EXOC6B: variants seen among roughly 807,000 people sequenced by gnomAD.
The protein encoded by EXOC6B is SEC15 homolog B.
A neutral mutation model predicts 113.5 loss-of-function variants in EXOC6B; 54 were observed. The observed-to-expected ratio is 0.48, with a 90% CI of 0.38 to 0.60. The LOEUF is 0.60. Ranked by LOEUF, EXOC6B falls within the 20% of genes least tolerant of loss-of-function variation. The probability of loss-of-function intolerance (pLI) is 0.00; values close to 1 mark genes in which losing one functional copy is unlikely to be tolerated. For synonymous variants in EXOC6B, 357 were observed against 339.0 expected, an observed-to-expected ratio of 1.05 and a Z score of -0.58; for missense variants, 797 against 977.5, an observed-to-expected ratio of 0.82 and a Z score of 2.46.
intron 6 of EXOC6B, among the ~76,000 whole-genome samples, chr2:72,579,988 T>A (rs908554274): frequency 6.6e-6 from 1 of 151,712 alleles, no homozygotes; most frequent in Non-Finnish European, 1.5e-5. Flanking sequence ...TAAAAAAAAA[T>A]TAATCAAACC....
chr2:72,754,050 T>G (rs976962299), intron 1 of EXOC6B, among the ~76,000 whole-genome samples: 10 of 151,912 alleles, frequency 6.6e-5, no homozygotes, highest in Non-Finnish European at 1.5e-5. Flanking sequence ...GGCACCACCA[T>G]GCCTAGCTCA....
intron 11 of EXOC6B, among the ~76,000 whole-genome samples, chr2:72,502,540 T>C (rs1700381170): frequency 6.6e-6 from 1 of 152,050 alleles, no homozygotes; most frequent in South Asian, 2.1e-4. Flanking sequence ...AAAGTGAGAC[T>C]ATATATCAAA....
At chr2:72,322,149 A>G (rs1687875724) in intron 20 of EXOC6B, among the ~76,000 whole-genome samples, 1 of 152,220 alleles carries the variant, frequency 6.6e-6, no homozygotes, top group Admixed American at 6.5e-5. Context: ...TACTCATAAT[A>G]GCCCAAACTG....
chr2:72,412,124 A>C (rs1206450945), intron 18 of EXOC6B, among the ~76,000 whole-genome samples: 3 of 152,192 alleles, frequency 2.0e-5, no homozygotes, highest in Non-Finnish European at 4.4e-5. Context: ...AGAATTATGA[A>C]GAATGTAAGT....
Position 72,713,671 on chromosome 2 carries a change from T to C in EXOC6B, c.669+4432A>G, listed in dbSNP as rs538776414. 1.4e-4 allele frequency among the ~76,000 whole-genome samples: 21 copies of C among 151,574 alleles called. 1 individual carries two copies. In the East Asian group the frequency reaches 2.9e-3, roughly 21 times the overall value. On this transcript the variant is annotated intron_variant, in intron 6 of 21. Transcript: ENST00000272427. ...AAATTCTTTAAAGCCAATACTGTGA[T>C]TGTCAGACTAAAAATAATAACAAAG...
In EXOC6B at chr2:72,765,098, A is replaced by AT. The variant is rs397754796; in HGVS notation, c.114-23630_114-23629insA. Among the ~76,000 whole-genome samples the AT allele has an allele frequency of 5.6e-4, 85 of 151,040 alleles. 1 individual carries two copies. The Middle Eastern group carries it at 0.01, about 18-fold the overall frequency. ...TGAGACCCCATCACTACAAAAAAAA[A>AT]GGGACTTGATAAGGTCCCTTCCATT... On this transcript the variant is annotated intron_variant, in intron 1 of 21. Coordinates refer to ENST00000272427, the MANE Select transcript of EXOC6B (RefSeq NM_015189.3).
chr2:72,223,358 G>C (rs1195669746), intron 20 of EXOC6B, among the ~76,000 whole-genome samples: 1 of 152,132 alleles, frequency 6.6e-6, no homozygotes, highest in Admixed American at 6.5e-5. Flanking sequence ...ATAAAAATCT[G>C]AGTTATCCCT....
At position 72,176,590 on chromosome 2, in the gene EXOC6B, A is replaced by G. The variant is rs1677747796; in HGVS notation, c.*2745T>C. On this transcript the variant is annotated 3_prime_UTR_variant, in exon 22 of 22. Coordinates refer to ENST00000272427, the MANE Select transcript of EXOC6B (RefSeq NM_015189.3). ...AACAGGATCTCACTTCCTGGTTCCC[A>G]TTTTCAGGTCCTGTTCTTCCCTACC... 2 of 152,154 alleles carry G rather than the reference A, an allele frequency of 1.3e-5. No homozygotes were observed. Among genetic ancestry groups the G allele is most frequent in the Non-Finnish European group, 2.9e-5 (2 of 68,040 alleles). The allele number at this position is 152,154 out of a possible 1,614,324, so 9.4% of individuals were successfully genotyped here. A position where few individuals can be genotyped will look rare whatever the true frequency, so the allele number is the denominator to read the frequency against.
chr2:72,676,166 C>A (rs115791564), intron 6 of EXOC6B, among the ~76,000 whole-genome samples: 3,366 of 151,224 alleles, frequency 0.022, 125 homozygotes, highest in African/African-American at 0.076. Flanking sequence ...AGGTTTTCAA[C>A]TTTTGAGAAG....
chr2:72,684,583 T>C (rs145657723), intron 6 of EXOC6B, among the ~76,000 whole-genome samples: 54 of 152,170 alleles, frequency 3.5e-4, no homozygotes, highest in African/African-American at 1.3e-3. Context: ...TATCCATCAA[T>C]AGGACAATGA....
chr2:72,809,352 G>A (rs78978093), intron 1 of EXOC6B, among the ~76,000 whole-genome samples: 1,581 of 151,824 alleles, frequency 0.01, 15 homozygotes, highest in African/African-American at 0.027. Context: ...CAAATATAAC[G>A]ATACAGGCAG....
intron 20 of EXOC6B, among the ~76,000 whole-genome samples, chr2:72,327,970 C>T (rs1688224722): frequency 6.6e-6 from 1 of 152,092 alleles, no homozygotes; most frequent in Non-Finnish European, 1.5e-5. Context: ...GTGCCCTATC[C>T]TTGCATATGC....
intron 6 of EXOC6B, among the ~76,000 whole-genome samples, chr2:72,579,730 T>C (rs1705082284): frequency 6.6e-6 from 1 of 152,064 alleles, no homozygotes; most frequent in Non-Finnish European, 1.5e-5. Context: ...ATAATAAGAA[T>C]CAAAAGCTAA....
intron 1 of EXOC6B, among the ~76,000 whole-genome samples, chr2:72,800,141 C>A (rs1022380944): frequency 1.3e-5 from 2 of 151,578 alleles, no homozygotes; most frequent in African/African-American, 4.8e-5. Context: ...ATGAAATAAT[C>A]GATTTTAAAA....
chr2:72,374,571 T>C (rs926117037), intron 19 of EXOC6B, among the ~76,000 whole-genome samples: 2 of 151,766 alleles, frequency 1.3e-5, no homozygotes, highest in Admixed American at 6.6e-5. Flanking sequence ...AGAGGGAAGG[T>C]GGGGATGGTT....
chr2:72,699,022 CCT>C (rs1337069461), intron 6 of EXOC6B, among the ~76,000 whole-genome samples: 10 of 152,106 alleles, frequency 6.6e-5, no homozygotes, highest in African/African-American at 2.2e-4. Context: ...GTCTAAATCC[CCT>C]GACATTTTAT....
At chr2:72,780,643 G>T (rs1375585858) in intron 1 of EXOC6B, among the ~76,000 whole-genome samples, 1 of 152,178 alleles carries the variant, frequency 6.6e-6, no homozygotes, top group Non-Finnish European at 1.5e-5. Context: ...ACATGGAGTA[G>T]AACCTAATTC....
At chr2:72,736,045 T>C (rs1680933758) in intron 2 of EXOC6B, among the ~76,000 whole-genome samples, 1 of 151,782 alleles carries the variant, frequency 6.6e-6, no homozygotes, top group Non-Finnish European at 1.5e-5. Context: ...TAGCTGGGCG[T>C]AGTGGCATGC....
intron 1 of EXOC6B, among the ~76,000 whole-genome samples, chr2:72,785,370 T>C (rs1459990496): frequency 6.6e-6 from 1 of 152,372 alleles, no homozygotes; most frequent in Non-Finnish European, 1.5e-5. Context: ...AGTGCCCCAG[T>C]AGGGACTCTG....
Sources: allele counts gnomAD v4.1 joint callset (sites outside exome capture counted in the v4.1 genomes callset), GRCh38; gene constraint gnomAD v4.1.1; transcripts MANE v1.5; gene names NCBI Gene and HGNC (gene_info 2026-07-23, HGNC 2026-07-21).